LY9: variants seen among roughly 807,000 people sequenced by gnomAD.
LY9 encodes the protein T-lymphocyte surface antigen Ly-9.
A neutral mutation model predicts 64.6 loss-of-function variants in LY9; 59 were observed. The observed-to-expected ratio is 0.91, with a 90% CI of 0.74 to 1.13. LY9 has a LOEUF of 1.13. Among genes scored for constraint, LY9 ranks in the 50% most tolerant of loss-of-function variants. The probability of loss-of-function intolerance (pLI) is 0.00; values close to 1 mark genes in which losing one functional copy is unlikely to be tolerated. For missense variants in LY9, 789 were observed against 797.2 expected, an observed-to-expected ratio of 0.99 and a Z score of 0.12; for synonymous variants, 281 against 308.5, an observed-to-expected ratio of 0.91 and a Z score of 0.93.
intron 6 of LY9, among the ~76,000 whole-genome samples, chr1:160,818,596 G>T (rs771694032): frequency 6.6e-6 from 1 of 152,110 alleles, no homozygotes. Context: ...GGGAAGGCAG[G>T]GATAGAGCTG....
rs1214238192 is a variant in LY9 at position 160,813,640 on chromosome 1, G to T, written c.459G>T (p.Gln153His). 6.2e-7 allele frequency: 1 copy of T among 1,613,142 alleles called. No homozygotes were observed. The highest frequency in any genetic ancestry group is 8.5e-7 in the Non-Finnish European group (1 of 1,179,358). The change falls in exon 3 of 10, where the codon CAG (glutamine) becomes CAT (histidine). Residue 153 changes from glutamine to histidine, a missense_variant. Transcript: ENST00000263285. ...CCCATGCTGTTGTCCCTGCAGAGCA[G>T]CTGCAGGAGCCCCAAGTCACCATGA... ...EEEFTLFVYE[Q>H]LQEPQVTMKS...
At chr1:160,824,552 C>G in intron 9 of LY9, 9 of 985,084 alleles carry the variant, frequency 9.1e-6, no homozygotes, top group Non-Finnish European at 9.6e-6. Flanking sequence ...CTTTTTAAAT[C>G]TATCTCTAAC....
At chr1:160,826,705 G>A (rs887666251) in intron 9 of LY9, among the ~76,000 whole-genome samples, 23 of 152,192 alleles carry the variant, frequency 1.5e-4, no homozygotes, top group African/African-American at 5.6e-4. Context: ...GATAGAATTT[G>A]CTCAGTAAAC....
intron 6 of LY9, 146 bp from the exon 7 acceptor site, chr1:160,819,175 C>G (rs1247783653): frequency 1.5e-6 from 1 of 675,770 alleles, no homozygotes; most frequent in Non-Finnish European, 2.7e-6. Flanking sequence ...GGCCTGGCTT[C>G]TCATCAGGGT....
At chr1:160,819,117 T>A (rs751729157) in intron 6 of LY9, among the ~76,000 whole-genome samples, 15 of 152,144 alleles carry the variant, frequency 9.9e-5, no homozygotes, top group Non-Finnish European at 2.2e-4. Context: ...CTCCAGAGCC[T>A]CCACCTCTGC....
At chr1:160,819,845 A>G (rs1279258686) in intron 7 of LY9, among the ~76,000 whole-genome samples, 5 of 92,146 alleles carry the variant, frequency 5.4e-5, no homozygotes, top group African/African-American at 2.2e-4. Flanking sequence ...GAAAGGAAGG[A>G]AGGAAGGAAG....
intron 2 of LY9, among the ~76,000 whole-genome samples, chr1:160,807,844 C>G (rs1378533084): frequency 2.0e-5 from 3 of 152,060 alleles, no homozygotes; most frequent in Non-Finnish European, 4.4e-5. Flanking sequence ...AGATGCTGGC[C>G]TATGTGTTCT....
At chr1:160,816,493 A>G (rs1667955280) in intron 4 of LY9, 101 bp from the exon 5 acceptor site, 3 of 1,366,824 alleles carry the variant, frequency 2.2e-6, no homozygotes, top group South Asian at 2.9e-5. Context: ...TGCCGGCAGT[A>G]TCAACACTCA....
chr1:160,807,778 C>T (rs758323384), intron 2 of LY9, among the ~76,000 whole-genome samples: 4 of 152,116 alleles, frequency 2.6e-5, no homozygotes, highest in Non-Finnish European at 5.9e-5. Flanking sequence ...CACCCTAGGC[C>T]CCTGTGGAAA....
At chr1:160,821,972 G>A (rs1668491060) in intron 7 of LY9, among the ~76,000 whole-genome samples, 1 of 152,156 alleles carries the variant, frequency 6.6e-6, no homozygotes, top group Admixed American at 6.5e-5. Context: ...GATAGTTATT[G>A]TCTATGCTTC....
intron 2 of LY9, among the ~76,000 whole-genome samples, chr1:160,805,841 T>C (rs1345160621): frequency 4.0e-5 from 6 of 151,666 alleles, no homozygotes; most frequent in Non-Finnish European, 8.8e-5. Context: ...GCTCCAGTGT[T>C]GGGTGCATAT....
intron 2 of LY9, chr1:160,812,537 C>G (rs1667587017): frequency 6.6e-6 from 1 of 152,132 alleles, no homozygotes; most frequent in Non-Finnish European, 1.5e-5. Context: ...CATGTGTTGA[C>G]AAATGACGTA....
intron 2 of LY9, chr1:160,802,521 C>T: frequency 1.0e-6 from 1 of 985,624 alleles, no homozygotes; most frequent in Non-Finnish European, 1.2e-6. Context: ...GGCACCAACT[C>T]AGTGTTTGTC....
At chr1:160,819,853 AAGGG>A (rs1363780378) in intron 7 of LY9, among the ~76,000 whole-genome samples, 3 of 50,886 alleles carry the variant, frequency 5.9e-5, no homozygotes, top group African/African-American at 2.2e-4. Flanking sequence ...GGAAGGAAGG[AAGGG>A]AGGGAGGGAG....
intron 2 of LY9, among the ~76,000 whole-genome samples, chr1:160,807,948 A>G (rs893756502): frequency 6.6e-6 from 1 of 152,104 alleles, no homozygotes; most frequent in African/African-American, 2.4e-5. Context: ...ATGTGGAAGC[A>G]GGGCCATCCT....
rs533578190 is a variant in LY9 at position 160,827,548 on chromosome 1, C to T, written c.1900-200C>T. On this transcript the variant is annotated intron_variant, in intron 9 of 9. Transcript: ENST00000263285. ...TCTTGTGTTGTCCTTGCAGAGAGTC[C>T]AGCCCACAGCCTTTCCTATTAGGAG... 5.9e-5 allele frequency among the ~76,000 whole-genome samples: 9 copies of T among 152,268 alleles called. No homozygotes were observed. In the East Asian group the frequency reaches 1.5e-3, roughly 26 times the overall value.
intron 9 of LY9, among the ~76,000 whole-genome samples, chr1:160,826,487 C>T (rs964756963): frequency 6.6e-6 from 1 of 152,220 alleles, no homozygotes; most frequent in African/African-American, 2.4e-5. Flanking sequence ...TGCTCAAGAT[C>T]ATCACCAGGG....
intron 2 of LY9, among the ~76,000 whole-genome samples, chr1:160,807,070 A>G (rs923651553): frequency 6.6e-6 from 1 of 152,074 alleles, no homozygotes; most frequent in African/African-American, 2.4e-5. Context: ...CAATTCCAGA[A>G]TTCTATTCAT....
intron 2 of LY9, among the ~76,000 whole-genome samples, chr1:160,805,741 T>TCACACACACACACACA (rs60721619): frequency 7.1e-6 from 1 of 140,598 alleles, no homozygotes; most frequent in Admixed American, 7.1e-5. Context: ...TCTCTCTGTC[T>TCACACACACACACACA]CACACACACA....
Sources: allele counts gnomAD v4.1 joint callset (sites outside exome capture counted in the v4.1 genomes callset), GRCh38; gene constraint gnomAD v4.1.1; transcripts MANE v1.5; gene names NCBI Gene and HGNC (gene_info 2026-07-23, HGNC 2026-07-21).